Variants in TET2 observed in about 807,000 individuals in gnomAD.
TET2 encodes tet methylcytosine dioxygenase 2.
A neutral mutation model predicts 142.9 loss-of-function variants in TET2; 299 were observed. The observed-to-expected ratio is 2.09, with a 90% CI of 1.90 to 2.30. The LOEUF is 2.30. Among genes scored for constraint, TET2 ranks in the 30% most tolerant of loss-of-function variants. The pLI is 0.00. For synonymous variants in TET2, 819 were observed against 849.0 expected, an observed-to-expected ratio of 0.96 and a Z score of 0.61; for missense variants, 2,418 against 2,378.0, an observed-to-expected ratio of 1.02 and a Z score of -0.35.
intron 2 of TET2, among the ~76,000 whole-genome samples, chr4:105,204,232 T>TAC (rs762266771): frequency 0.012 from 1,310 of 107,652 alleles, 10 homozygotes; most frequent in Middle Eastern, 0.055. Context: ...AAAAAAAATA[T>TAC]ATACACACAC....
chr4:105,202,264 CAT>C (rs1726528530), intron 2 of TET2: 1 of 140,918 alleles, frequency 7.1e-6, no homozygotes, highest in African/African-American at 2.5e-5. Flanking sequence ...GGATAAATAA[CAT>C]ATATTTATCT....
rs184093258 is a variant in TET2 at position 105,157,999 on chromosome 4, C to T, written c.-193+11020C>T. 3.2e-3 allele frequency among the ~76,000 whole-genome samples: 484 copies of T among 152,308 alleles called. 1 individual carries two copies. The highest frequency in any genetic ancestry group is 0.011 in the African/African-American group (458 of 41,570). On this transcript the variant is annotated intron_variant, in intron 1 of 10. Coordinates refer to ENST00000380013, the MANE Select transcript of TET2 (RefSeq NM_001127208.3). ...CCAACTTATTTACTGTTACAACTTA[C>T]TTACTTTGAAACAACTTATTTACTG... is the stretch of plus-strand genomic sequence containing the variant.
At chr4:105,187,432 A>T (rs1025211230) in intron 1 of TET2, among the ~76,000 whole-genome samples, 1 of 152,208 alleles carries the variant, frequency 6.6e-6, no homozygotes, top group Non-Finnish European at 1.5e-5. Flanking sequence ...GAAATAGCCT[A>T]TTGACTCCAA....
In TET2 at chr4:105,276,112, CAT is replaced by C; in HGVS notation, c.5603_5604del (p.His1868ArgfsTer6). 1 of 1,551,682 alleles carries C rather than the reference CAT, an allele frequency of 6.4e-7. No homozygotes were observed. The highest frequency in any genetic ancestry group is 8.7e-7 in the Non-Finnish European group (1 of 1,146,988). ...TGGGGGAGTGGCCGTGGCTCCAACT[CAT>C]GGGTCAATTCTCATTGAGTGTGCAA... The part of the protein sequence containing the change: ...DIGGVAVAPT[H>X]GSILIECAKR... On this transcript the variant is annotated frameshift_variant, in exon 11 of 11. Transcript: ENST00000380013. LOFTEE classifies it high-confidence loss of function.
chr4:105,198,864 C>T (rs963469888), intron 2 of TET2, among the ~76,000 whole-genome samples: 9 of 152,152 alleles, frequency 5.9e-5, no homozygotes, highest in African/African-American at 1.9e-4. Flanking sequence ...GTCTCATTTG[C>T]GAAGTTACAC....
At position 105,278,235 on chromosome 4, in the gene TET2, G is replaced by T. The variant is rs1731312050; in HGVS notation, c.*1716G>T. On this transcript the variant is annotated 3_prime_UTR_variant, in exon 11 of 11. Coordinates refer to ENST00000380013, the MANE Select transcript of TET2 (RefSeq NM_001127208.3). ...GAAGCAGAATTCACATCATGATGGTGCTACTCAGCCTGCTACAAATATATC... is the reference window on the plus strand; with the variant it reads ...GAAGCAGAATTCACATCATGATGGTTCTACTCAGCCTGCTACAAATATATC... 1.7e-5 allele frequency: 3 copies of T among 172,050 alleles called. No individual in the cohort carries two copies. The allele number at this position is 172,050 out of a possible 1,614,324, so 10.7% of individuals were successfully genotyped here. A position where few individuals can be genotyped will look rare whatever the true frequency, so the allele number is the denominator to read the frequency against.
At chr4:105,161,464 G>A (rs1325081241) in intron 1 of TET2, among the ~76,000 whole-genome samples, 4 of 151,952 alleles carry the variant, frequency 2.6e-5, no homozygotes, top group South Asian at 2.1e-4. Context: ...AATTATCCTC[G>A]GCCTAAATAG....
intron 1 of TET2, among the ~76,000 whole-genome samples, chr4:105,153,347 C>A (rs958153376): frequency 6.6e-6 from 1 of 152,330 alleles, no homozygotes; most frequent in Non-Finnish European, 1.5e-5. Context: ...CATTTAGTCA[C>A]ATGATCACAT....
At chr4:105,183,759 G>A (rs1725260814) in intron 1 of TET2, among the ~76,000 whole-genome samples, 1 of 152,178 alleles carries the variant, frequency 6.6e-6, no homozygotes, top group Admixed American at 6.5e-5. Flanking sequence ...TTGCCCTGTA[G>A]TCAGCCGCGC....
At chr4:105,241,833 A>C in intron 4 of TET2, 1 of 1,248,170 alleles carries the variant, frequency 8.0e-7, no homozygotes, top group African/African-American at 1.5e-5. Context: ...AATTAAATTC[A>C]CCTAGTGTTG....
intron 6 of TET2, among the ~76,000 whole-genome samples, chr4:105,245,295 TA>T (rs1279275905): frequency 3.3e-5 from 5 of 152,318 alleles, no homozygotes; most frequent in Non-Finnish European, 5.9e-5. Flanking sequence ...TCATAACATG[TA>T]ACTTATAAAC....
intron 1 of TET2, among the ~76,000 whole-genome samples, chr4:105,160,161 C>CT (rs1329505101): frequency 1.3e-5 from 2 of 152,158 alleles, no homozygotes; most frequent in African/African-American, 4.8e-5. Flanking sequence ...CCCCTTTCCC[C>CT]ATCCTCTGTA....
At chr4:105,157,934 C>T (rs1375007315) in intron 1 of TET2, among the ~76,000 whole-genome samples, 1 of 152,178 alleles carries the variant, frequency 6.6e-6, no homozygotes, top group Non-Finnish European at 1.5e-5. Context: ...CCTTCTGCTT[C>T]CTAAAGTGCT....
At chr4:105,274,616 C>T (rs1164170224) in intron 10 of TET2, among the ~76,000 whole-genome samples, 1 of 152,050 alleles carries the variant, frequency 6.6e-6, no homozygotes, top group Non-Finnish European at 1.5e-5. Flanking sequence ...AACTATAATA[C>T]ATTGTGAGTA....
intron 6 of TET2, among the ~76,000 whole-genome samples, chr4:105,254,583 TTTATTA>T (rs1206641045): frequency 6.6e-6 from 1 of 152,012 alleles, no homozygotes; most frequent in Middle Eastern, 3.2e-3. Flanking sequence ...GGCTAATTTT[TTTATTA>T]TTATTAGAGA....
At chr4:105,169,164 T>C (rs779573025) in intron 1 of TET2, among the ~76,000 whole-genome samples, 16 of 152,210 alleles carry the variant, frequency 1.1e-4, no homozygotes, top group Non-Finnish European at 1.9e-4. Flanking sequence ...CTCCACACTG[T>C]TTTCCATAGT....
At chr4:105,197,122 A>C (rs958403238) in intron 2 of TET2, among the ~76,000 whole-genome samples, 7 of 152,212 alleles carry the variant, frequency 4.6e-5, no homozygotes, top group Non-Finnish European at 8.8e-5. Flanking sequence ...TTTGATACCT[A>C]CATTTTTTTC....
intron 1 of TET2, among the ~76,000 whole-genome samples, chr4:105,157,967 G>A (rs939034119): frequency 2.0e-5 from 3 of 152,192 alleles, no homozygotes; most frequent in Admixed American, 6.5e-5. Context: ...ATGAGCCATC[G>A]GCCTGGCCAA....
chr4:105,210,084 G>A (rs1727072020), intron 2 of TET2, among the ~76,000 whole-genome samples: 1 of 152,136 alleles, frequency 6.6e-6, no homozygotes, highest in East Asian at 1.9e-4. Flanking sequence ...CACTGATGGG[G>A]AATGTAGATG....
Sources: allele counts gnomAD v4.1 joint callset (sites outside exome capture counted in the v4.1 genomes callset), GRCh38; gene constraint gnomAD v4.1.1; transcripts MANE v1.5; gene names NCBI Gene and HGNC (gene_info 2026-07-23, HGNC 2026-07-21).